Variants in SDHAF4 observed in about 807,000 individuals in gnomAD.
The protein encoded by SDHAF4 is succinate dehydrogenase complex assembly factor 4, also known as succinate dehydrogenase assembly factor 4, mitochondrial.
SDHAF4 carries 14 observed loss-of-function variants against 14.3 expected under a neutral mutation model. The observed-to-expected ratio is 0.98, with a 90% CI of 0.65 to 1.53. The LOEUF (loss-of-function observed/expected upper bound fraction) is 1.53, where lower values mean the gene tolerates loss of function less well. Ranked by LOEUF, SDHAF4 falls within the 40% of genes most tolerant of loss-of-function variation. SDHAF4 has a pLI of 0.00. For missense variants in SDHAF4, 141 were observed against 129.3 expected (o/e 1.09, Z -0.44); for synonymous variants, 63 against 47.3 (o/e 1.33, Z -1.36).
the SDHAF4 span, among the ~76,000 whole-genome samples, chr6:70,595,149 A>G: frequency 2.0e-5 from 3 of 152,260 alleles, no homozygotes; most frequent in Admixed American, 1.3e-4. Flanking sequence ...AAGGACAGGA[A>G]CTGCTGGGCT....
downstream of SDHAF4, among the ~76,000 whole-genome samples, chr6:70,593,690 T>G (rs36030706): frequency 0.41 from 61,694 of 151,566 alleles, 13,174 homozygotes; most frequent in African/African-American, 0.52. Flanking sequence ...AAGGGTTTTT[T>G]TTTGTGTGTG....
chr6:70,594,906 C>A, the SDHAF4 span, among the ~76,000 whole-genome samples: 1 of 144,752 alleles, frequency 6.9e-6, no homozygotes, highest in Non-Finnish European at 1.5e-5. Context: ...GAGTGAAACT[C>A]CATCTCAGAA....
At chr6:70,573,668 CTTTTTTTTATT>C (rs964275143) in intron 1 of SDHAF4, among the ~76,000 whole-genome samples, 15 of 149,018 alleles carry the variant, frequency 1.0e-4, no homozygotes, top group African/African-American at 2.9e-4. Context: ...CTTTTCTTTT[CTTTTTTTTATT>C]TTTTTTTTAT....
chr6:70,581,656 A>G (rs1272258274), intron 2 of SDHAF4, among the ~76,000 whole-genome samples: 2 of 152,138 alleles, frequency 1.3e-5, no homozygotes, highest in Admixed American at 6.6e-5. Context: ...CCCAGGCTAA[A>G]GTGCAGTGGC....
In SDHAF4 at chr6:70,587,577, T is replaced by G. The variant is rs7743284; in HGVS notation, c.218-1038T>G. On this transcript the variant is annotated intron_variant, in intron 2 of 2. Transcript: ENST00000370474. ...TTTTTCCATATACAGAGCAGTGCAG[T>G]GTATGGGCTGAGAACAAGACTGCAG... 2.3e-3 allele frequency among the ~76,000 whole-genome samples: 347 copies of G among 152,230 alleles called. 2 individuals carry two copies. Among genetic ancestry groups the G allele is most frequent in the African/African-American group, 7.9e-3 (330 of 41,544 alleles).
downstream of SDHAF4, among the ~76,000 whole-genome samples, chr6:70,592,783 C>T (rs1423382738): frequency 6.6e-6 from 1 of 152,140 alleles, no homozygotes; most frequent in African/African-American, 2.4e-5. Flanking sequence ...AATTCTAAGC[C>T]TAGACATGTG....
At chr6:70,580,327 A>G (rs1324973502) in intron 2 of SDHAF4, among the ~76,000 whole-genome samples, 1 of 152,192 alleles carries the variant, frequency 6.6e-6, no homozygotes, top group East Asian at 1.9e-4. Context: ...ATGGAAAATA[A>G]CAAGTGTTGG....
chr6:70,583,575 A>G (rs1765165173), intron 2 of SDHAF4, among the ~76,000 whole-genome samples: 1 of 152,196 alleles, frequency 6.6e-6, no homozygotes, highest in Non-Finnish European at 1.5e-5. Context: ...TATATATTTG[A>G]TTAATACAGG....
chr6:70,569,427 C>A (rs971822123), intron 1 of SDHAF4, among the ~76,000 whole-genome samples: 1 of 152,132 alleles, frequency 6.6e-6, no homozygotes, highest in African/African-American at 2.4e-5. Flanking sequence ...CACCACCACA[C>A]CCAGATAATT....
chr6:70,573,164 T>A (rs930151780), intron 1 of SDHAF4, among the ~76,000 whole-genome samples: 5 of 152,124 alleles, frequency 3.3e-5, no homozygotes, highest in African/African-American at 1.2e-4. Flanking sequence ...TTTCATTATT[T>A]TTATTCATTT....
downstream of SDHAF4, among the ~76,000 whole-genome samples, chr6:70,593,780 C>CG: frequency 1.8e-5 from 1 of 54,550 alleles, no homozygotes; most frequent in Non-Finnish European, 3.8e-5. Context: ...GCAACCTCTG[C>CG]TCCTGGGTTC....
chr6:70,569,157 G>A (rs1197858792), intron 1 of SDHAF4, among the ~76,000 whole-genome samples: 44 of 151,190 alleles, frequency 2.9e-4, no homozygotes, highest in African/African-American at 1.1e-3. Context: ...GTAGAGACGG[G>A]GTTTCACCGT....
At chr6:70,588,310 CAGGAGTTTG>C (rs200031900) in intron 2 of SDHAF4, among the ~76,000 whole-genome samples, 1,928 of 152,268 alleles carry the variant, frequency 0.013, 32 homozygotes, top group African/African-American at 0.043. Flanking sequence ...CACTTGAGGT[CAGGAGTTTG>C]AGCCATCCTG....
At chr6:70,591,653 A>G (rs538604357), downstream of SDHAF4, among the ~76,000 whole-genome samples, 33 of 152,278 alleles carry the variant, frequency 2.2e-4, 1 homozygote, top group South Asian at 6.0e-3. Context: ...TTAAAAATGA[A>G]ATTTGAAATA....
intron 2 of SDHAF4, among the ~76,000 whole-genome samples, chr6:70,585,194 T>C (rs1188339030): frequency 6.6e-6 from 1 of 152,206 alleles, no homozygotes; most frequent in Non-Finnish European, 1.5e-5. Context: ...TAATTAGGTT[T>C]AGATCATGAG....
At chr6:70,579,297 T>G in intron 1 of SDHAF4, 117 bp from the exon 2 acceptor site, 1 of 860,692 alleles carries the variant, frequency 1.2e-6, no homozygotes, top group Non-Finnish European at 1.6e-6. Context: ...CTTTTGTACT[T>G]TTTGAACTTT....
intron 2 of SDHAF4, among the ~76,000 whole-genome samples, chr6:70,585,705 A>G (rs1765186964): frequency 6.6e-6 from 1 of 152,234 alleles, no homozygotes; most frequent in Admixed American, 6.5e-5. Flanking sequence ...GCAGTAAAGC[A>G]TGGAATTATT....
At chr6:70,594,976 C>T in the SDHAF4 span, among the ~76,000 whole-genome samples, 19 of 151,118 alleles carry the variant, frequency 1.3e-4, no homozygotes, top group African/African-American at 4.4e-4. Flanking sequence ...TTATAAGCAA[C>T]AGAAAATGGA....
At chr6:70,591,377 G>T (rs1765257111), downstream of SDHAF4, among the ~76,000 whole-genome samples, 1 of 137,576 alleles carries the variant, frequency 7.3e-6, no homozygotes, top group African/African-American at 2.8e-5. Flanking sequence ...CTGTCCCCAG[G>T]CTGGACTACA....
Sources: gnomAD v4.1 joint callset for allele counts (sites outside exome capture counted in the v4.1 genomes callset) on GRCh38, gnomAD v4.1.1 for gene constraint, MANE v1.5 for transcripts, NCBI Gene and HGNC (gene_info 2026-07-23, HGNC 2026-07-21) for gene names.